Variants in HECW1 observed in about 807,000 individuals in gnomAD.
HECW1 encodes the protein HECT, C2 and WW domain containing E3 ubiquitin protein ligase 1.
Under a neutral mutation model 182.3 loss-of-function variants are expected in HECW1, and 61 were observed. That is an observed-to-expected ratio of 0.33 (90% CI 0.27 to 0.41). The LOEUF (loss-of-function observed/expected upper bound fraction) is 0.41, where lower values mean the gene tolerates loss of function less well. Among genes scored for constraint, HECW1 ranks in the 10% least tolerant of loss-of-function variants. HECW1 has a pLI of 1.00. For synonymous variants in HECW1, 859 were observed against 832.6 expected, an observed-to-expected ratio of 1.03 and a Z score of -0.55; for missense variants, 1,739 against 2,108.9, an observed-to-expected ratio of 0.82 and a Z score of 3.44.
intron 3 of HECW1, among the ~76,000 whole-genome samples, chr7:43,266,777 G>C (rs1167766015): frequency 6.6e-6 from 1 of 151,834 alleles, no homozygotes; most frequent in East Asian, 1.9e-4. Context: ...TTCTCAAACT[G>C]GACCAAACTA....
chr7:43,407,578 G>T lies in HECW1; in HGVS notation c.648G>T (p.Gly216=). The T allele has an allele frequency of 2.5e-6, 4 of 1,612,622 alleles. No homozygotes were observed. The highest frequency in any genetic ancestry group is 3.4e-6 in the Non-Finnish European group (4 of 1,178,988). Residue 216 remains glycine (G), a synonymous_variant, in exon 8 of 30, where the codon GGG becomes GGT. Transcript: ENST00000395891. The part of the protein sequence containing the change: ...SFSLSDFQAM[G]LKKGMFFNPD... ...ATTTTATAGATTTCCAAGCCATGGGGTTGAAGAAAGGGATGTTTTTCAACC... is the reference window on the plus strand; with the variant it reads ...ATTTTATAGATTTCCAAGCCATGGGTTTGAAGAAAGGGATGTTTTTCAACC...
At chr7:43,313,231 G>C (rs556643194) in intron 4 of HECW1, among the ~76,000 whole-genome samples, 2 of 152,022 alleles carry the variant, frequency 1.3e-5, no homozygotes, top group East Asian at 3.9e-4. Flanking sequence ...AGCTGAACTG[G>C]ATTTCCAAAA....
rs554659972 is a variant in HECW1, at chr7:43,563,497, G to A, written c.*1571G>A. The A allele has an allele frequency of 2.5e-5, 5 of 196,998 alleles. No homozygotes were observed. Among genetic ancestry groups the A allele is most frequent in the South Asian group, 1.9e-4 (1 of 5,200 alleles). 12.2% of individuals were successfully genotyped at this position (196,998 alleles called of 1,614,324 possible). The stretch of plus-strand genomic sequence containing the variant: ...TTAAAACAAGGGAGAAATGTAAGAC[G>A]AAGTGAATTTCATATGAAGCCAATG... On this transcript the variant is annotated 3_prime_UTR_variant, in exon 30 of 30. Coordinates refer to ENST00000395891, the MANE Select transcript of HECW1 (RefSeq NM_015052.5).
In HECW1 at chr7:43,444,529, C is replaced by T. The variant is rs976466343; in HGVS notation, c.1357C>T (p.Pro453Ser). ...GGTGCAAAAGGACATCCAGCCTGCCCCCAGTGCAGAAGAGCTGGCCGAGCA... is the reference window on the plus strand; with the variant it reads ...GGTGCAAAAGGACATCCAGCCTGCCTCCAGTGCAGAAGAGCTGGCCGAGCA... ...AQVQKDIQPA[P>S]SAEELAEQLD... The change falls in exon 11 of 30, where the codon CCC becomes TCC. Residue 453 changes from proline (P) to serine (S), a missense_variant. Coordinates refer to ENST00000395891, the MANE Select transcript of HECW1 (RefSeq NM_015052.5). The surrounding 1 kb of genome is among the most constrained non-coding windows in gnomAD (Gnocchi z 4.3). The T allele has an allele frequency of 4.3e-6, 7 of 1,611,334 alleles. No individual in the cohort carries two copies. Among genetic ancestry groups the T allele is most frequent in the East Asian group, 2.2e-5 (1 of 44,818 alleles).
intron 13 of HECW1, among the ~76,000 whole-genome samples, chr7:43,458,988 G>A (rs554780145): frequency 1.2e-4 from 18 of 152,240 alleles, no homozygotes; most frequent in African/African-American, 4.1e-4. Context: ...GTGGTAGGTC[G>A]CAGTGACCAT....
At chr7:43,269,712 A>G (rs2152739958) in intron 3 of HECW1, among the ~76,000 whole-genome samples, 1 of 152,358 alleles carries the variant, frequency 6.6e-6, no homozygotes, top group East Asian at 1.9e-4. Flanking sequence ...AACTGTTGTC[A>G]AAAGTCTAGG....
At chr7:43,263,357 T>TTTG (rs969309256) in intron 3 of HECW1, among the ~76,000 whole-genome samples, 16 of 152,064 alleles carry the variant, frequency 1.1e-4, no homozygotes, top group South Asian at 8.3e-4. Context: ...CTGAGCTCTG[T>TTTG]TTGTTGTTGT....
At chr7:43,305,017 T>C (rs1807374886) in intron 3 of HECW1, among the ~76,000 whole-genome samples, 1 of 152,222 alleles carries the variant, frequency 6.6e-6, no homozygotes. Context: ...GCTGCGGGAC[T>C]GAGAACAGTC....
At chr7:43,131,684 C>T (rs1331688738) in intron 2 of HECW1, among the ~76,000 whole-genome samples, 1 of 152,184 alleles carries the variant, frequency 6.6e-6, no homozygotes, top group Non-Finnish European at 1.5e-5. Context: ...TATGAAGGTG[C>T]CAGACTCCAA....
At position 43,445,379 on chromosome 7, in the gene HECW1, A is replaced by G; in HGVS notation, c.2207A>G (p.Gln736Arg). Reference protein sequence around the residue: ...KISESTVFSSQDDEEEENSAF... With the variant: ...KISESTVFSSRDDEEEENSAF... ...TCCGAGAGCACGGTCTTCTCCTCGC[A>G]AGACGACGAGGAGGAGGAGAACAGC... Residue 736 changes from glutamine to arginine, a missense_variant, in exon 11 of 30, where the codon CAA becomes CGA. Physicochemically the swap from Gln to Arg is conservative, Grantham distance 43. Coordinates refer to ENST00000395891, the MANE Select transcript of HECW1 (RefSeq NM_015052.5). 3 of 1,613,666 alleles carry G rather than the reference A, an allele frequency of 1.9e-6. No individual in the cohort carries two copies. The highest frequency in any genetic ancestry group is 2.2e-5 in the East Asian group (1 of 44,848).
rs1420847151 is a variant in HECW1, at chr7:43,152,058, C to T, written c.-32+37667C>T. 1.6e-4 allele frequency among the ~76,000 whole-genome samples: 25 copies of T among 152,112 alleles called. 1 individual carries two copies. Among genetic ancestry groups the T allele is most frequent in the Admixed American group, 1.6e-3 (25 of 15,274 alleles). ...AACAGCTCATTTACCACACTAATTG[C>T]CTGATGACAAAGGAGCAAGATTCAC... On this transcript the variant is annotated intron_variant, in intron 2 of 29. Coordinates refer to ENST00000395891, the MANE Select transcript of HECW1 (RefSeq NM_015052.5).
intron 2 of HECW1, among the ~76,000 whole-genome samples, chr7:43,237,751 A>T (rs1050250616): frequency 6.6e-5 from 10 of 152,140 alleles, no homozygotes; most frequent in African/African-American, 2.4e-4. Context: ...CCAACTCCCT[A>T]AGAACACAAG....
chr7:43,289,193 G>A (rs1055832891), intron 3 of HECW1, among the ~76,000 whole-genome samples: 1 of 150,542 alleles, frequency 6.6e-6, no homozygotes, highest in Non-Finnish European at 1.5e-5. Flanking sequence ...TGCAACCTCC[G>A]ACTCCCTGGT....
intron 6 of HECW1, among the ~76,000 whole-genome samples, chr7:43,366,093 A>C (rs1204499870): frequency 1.3e-5 from 2 of 150,392 alleles, no homozygotes. Context: ...ACAGAGCAAG[A>C]CTGTCTCACA....
intron 2 of HECW1, among the ~76,000 whole-genome samples, chr7:43,187,177 T>C (rs1793490827): frequency 6.6e-6 from 1 of 152,242 alleles, no homozygotes; most frequent in Non-Finnish European, 1.5e-5. Flanking sequence ...GCTGCTCAGT[T>C]GCCCTCACAA....
At chr7:43,146,622 A>C (rs1197336057) in intron 2 of HECW1, among the ~76,000 whole-genome samples, 1 of 152,222 alleles carries the variant, frequency 6.6e-6, no homozygotes, top group Non-Finnish European at 1.5e-5. Flanking sequence ...CTGCTTGTCT[A>C]TTCACCTGGT....
At chr7:43,518,254 G>T (rs1157244083) in intron 24 of HECW1, among the ~76,000 whole-genome samples, 4 of 152,144 alleles carry the variant, frequency 2.6e-5, no homozygotes, top group Middle Eastern at 3.2e-3. Context: ...CAACACTTTA[G>T]GAGGCCAAGG....
intron 19 of HECW1, among the ~76,000 whole-genome samples, chr7:43,494,506 A>ATT (rs5883869): frequency 5.8e-4 from 85 of 145,398 alleles, no homozygotes; most frequent in Admixed American, 2.6e-3. Flanking sequence ...TAAAGTCAAG[A>ATT]TTTTTTTTTT....
intron 3 of HECW1, among the ~76,000 whole-genome samples, chr7:43,247,856 G>GTAAA (rs1554326787): frequency 9.1e-6 from 1 of 109,542 alleles, no homozygotes. Context: ...AAGGAAGGAA[G>GTAAA]GAAAGAAAGA....
Sources: allele counts gnomAD v4.1 joint callset (sites outside exome capture counted in the v4.1 genomes callset), GRCh38; gene constraint gnomAD v4.1.1; non-coding constraint Gnocchi (gnomAD v3.1); transcripts MANE v1.5; gene names NCBI Gene and HGNC (gene_info 2026-07-23, HGNC 2026-07-21).